Variants in CSMD1 observed in about 807,000 individuals in gnomAD.
The protein encoded by CSMD1 is CUB and sushi domain-containing protein 1.
In CSMD1, 213 loss-of-function variants were observed where a neutral mutation model predicts 417.5. The ratio of observed to expected loss-of-function variants is 0.51; its 90% confidence interval spans 0.46 to 0.57. The LOEUF (loss-of-function observed/expected upper bound fraction) is 0.57. CSMD1 is among the 20% of genes least tolerant of loss of function. The pLI is 0.00. For missense variants in CSMD1, 6,923 were observed against 4,529.7 expected (o/e 1.53, Z -15.17); for synonymous variants, 2,862 against 1,736.8 (o/e 1.65, Z -16.11).
At chr8:3,997,421 T>C (rs1054650671) in intron 5 of CSMD1, among the ~76,000 whole-genome samples, 1 of 152,148 alleles carries the variant, frequency 6.6e-6, no homozygotes. Context: ...TATTTTGCCT[T>C]TGAGGATCTT....
intron 4 of CSMD1, among the ~76,000 whole-genome samples, chr8:4,008,973 C>T (rs1391554429): frequency 6.6e-6 from 1 of 152,082 alleles, no homozygotes; most frequent in African/African-American, 2.4e-5. Context: ...TGTTTACAAA[C>T]AGCAAAATCG....
At chr8:3,468,585 G>T (rs546662606) in intron 12 of CSMD1, 127 bp downstream of exon 12, 20 of 596,768 alleles carry the variant, frequency 3.4e-5, no homozygotes, top group Non-Finnish European at 5.3e-5. Flanking sequence ...GGAAGTTCCC[G>T]TCATGATTCC....
intron 3 of CSMD1, among the ~76,000 whole-genome samples, chr8:4,153,874 T>G (rs779948389): frequency 6.6e-6 from 1 of 152,220 alleles, no homozygotes. Flanking sequence ...TCCTGACTCA[T>G]GGCAGCAAAC....
chr8:3,524,182 CAT>C (rs1445677042), intron 10 of CSMD1, among the ~76,000 whole-genome samples: 2 of 151,888 alleles, frequency 1.3e-5, no homozygotes, highest in East Asian at 3.9e-4. Flanking sequence ...CACACATGCA[CAT>C]ACTCACATAT....
At chr8:4,853,247 AG>A (rs1801591672) in intron 1 of CSMD1, among the ~76,000 whole-genome samples, 1 of 152,178 alleles carries the variant, frequency 6.6e-6, no homozygotes, top group African/African-American at 2.4e-5. Context: ...TCTATGAGGC[AG>A]CCCTTCCCAT....
intron 49 of CSMD1, among the ~76,000 whole-genome samples, chr8:3,063,913 C>T (rs1400446673): frequency 6.6e-6 from 1 of 152,134 alleles, no homozygotes; most frequent in Non-Finnish European, 1.5e-5. Flanking sequence ...GATGATTATA[C>T]AACCTTGTTA....
At chr8:3,878,951 C>A (rs558978983) in intron 5 of CSMD1, among the ~76,000 whole-genome samples, 1 of 152,006 alleles carries the variant, frequency 6.6e-6, no homozygotes, top group Admixed American at 6.6e-5. Flanking sequence ...TAATATATGA[C>A]TAAGTTTTTA....
chr8:4,932,563 T>C (rs566146954), intron 1 of CSMD1, among the ~76,000 whole-genome samples: 28 of 152,310 alleles, frequency 1.8e-4, no homozygotes, highest in African/African-American at 6.0e-4. Flanking sequence ...TGACGTGTGC[T>C]CTTGTCTTAG....
chr8:4,255,394 G>T (rs1325969679), intron 3 of CSMD1, among the ~76,000 whole-genome samples: 2 of 152,186 alleles, frequency 1.3e-5, no homozygotes, highest in Non-Finnish European at 2.9e-5. Flanking sequence ...AAAAATTAAA[G>T]AGGACGCAAT....
At chr8:3,244,475 T>G (rs13266371) in intron 26 of CSMD1, among the ~76,000 whole-genome samples, 2,143 of 152,262 alleles carry the variant, frequency 0.014, 33 homozygotes, top group Middle Eastern at 0.024. Context: ...AAGCAGTCTT[T>G]CCAGGAAGAA....
At chr8:4,123,438 G>A (rs955554667) in intron 3 of CSMD1, among the ~76,000 whole-genome samples, 12 of 152,066 alleles carry the variant, frequency 7.9e-5, no homozygotes, top group African/African-American at 1.2e-4. Flanking sequence ...AATATATTTG[G>A]CCTTTAATGT....
At chr8:4,764,050 C>G (rs1336525595) in intron 1 of CSMD1, among the ~76,000 whole-genome samples, 5 of 152,188 alleles carry the variant, frequency 3.3e-5, no homozygotes, top group Non-Finnish European at 7.3e-5. Flanking sequence ...ATGAATTACG[C>G]TGGCAACAGA....
At chr8:4,947,893 G>A (rs953198901) in intron 1 of CSMD1, among the ~76,000 whole-genome samples, 2 of 151,928 alleles carry the variant, frequency 1.3e-5, no homozygotes, top group African/African-American at 2.4e-5. Context: ...CAAGGTGTGC[G>A]TCCATTCTCC....
At chr8:3,251,139 G>T (rs12542644) in intron 26 of CSMD1, among the ~76,000 whole-genome samples, 6 of 151,824 alleles carry the variant, frequency 4.0e-5, no homozygotes, top group Non-Finnish European at 7.4e-5. Flanking sequence ...GTCCTTGCCC[G>T]TGCCTATGTC....
rs5889027 is a variant in CSMD1 at position 4,212,751 on chromosome 8, C to CTTTTTTTTTTTTTTTTTTTT, written c.416-180672_416-180653dup. The stretch of plus-strand genomic sequence containing the variant: ...AAAAGTTTACAACAGCGGCCTTATT[C>CTTTTTTTTTTTTTTTTTTTT]TTTTTTTTTTTTTTTTTTTTTTTTT... On this transcript the variant is annotated intron_variant, in intron 3 of 69. Coordinates refer to ENST00000635120, the MANE Select transcript of CSMD1 (RefSeq NM_033225.6). Among the ~76,000 whole-genome samples, 167 of 99,202 alleles carry CTTTTTTTTTTTTTTTTTTTT rather than the reference C, an allele frequency of 1.7e-3. 21 individuals are homozygous for CTTTTTTTTTTTTTTTTTTTT. Among genetic ancestry groups the CTTTTTTTTTTTTTTTTTTTT allele is most frequent in the East Asian group, 6.8e-3 (19 of 2,778 alleles). 65.1% of individuals were successfully genotyped at this position (99,202 alleles called of 152,430 possible).
intron 55 of CSMD1, 133 bp from the exon 56 acceptor site, chr8:2,974,757 T>C (rs1554476822): frequency 5.6e-6 from 3 of 533,342 alleles, no homozygotes; most frequent in Non-Finnish European, 8.8e-6. Context: ...GGTACTTATG[T>C]AATTTGTGAG....
chr8:3,748,568 T>A (rs1414218153), intron 6 of CSMD1, among the ~76,000 whole-genome samples: 1 of 152,180 alleles, frequency 6.6e-6, no homozygotes, highest in East Asian at 1.9e-4. Context: ...TTTTACACTG[T>A]TTTAAAAGGA....
intron 50 of CSMD1, among the ~76,000 whole-genome samples, chr8:3,034,949 G>T (rs1327666477): frequency 6.6e-6 from 1 of 152,108 alleles, no homozygotes. Flanking sequence ...GGAGGGCCTC[G>T]GAAACGGCTT....
intron 3 of CSMD1, among the ~76,000 whole-genome samples, chr8:4,393,803 T>C (rs1267267070): frequency 6.6e-6 from 1 of 152,218 alleles, no homozygotes; most frequent in Non-Finnish European, 1.5e-5. Flanking sequence ...CATCTTTATA[T>C]GCCATATTTT....
Sources: allele counts gnomAD v4.1 joint callset (sites outside exome capture counted in the v4.1 genomes callset), GRCh38; gene constraint gnomAD v4.1.1; transcripts MANE v1.5; gene names NCBI Gene and HGNC (gene_info 2026-07-23, HGNC 2026-07-21).